Variants in SHROOM1 observed in about 807,000 individuals in gnomAD.
The protein encoded by SHROOM1 is protein Shroom1.
SHROOM1 carries 53 observed loss-of-function variants against 64.2 expected under a neutral mutation model. The ratio of observed to expected loss-of-function variants is 0.83; its 90% CI spans 0.66 to 1.04. The LOEUF is 1.04. Among genes scored for constraint, SHROOM1 ranks in the 50% least tolerant of loss-of-function variants. The pLI is 0.00. For missense variants in SHROOM1, 1,179 were observed against 1,163.2 expected (o/e 1.01, Z -0.20); for synonymous variants, 490 against 518.9 (o/e 0.94, Z 0.76).
Position 132,824,823 on chromosome 5 carries a change from T to C in SHROOM1, c.1035-2A>G. On this transcript the variant is annotated splice_acceptor_variant, in intron 5 of 9. Transcript: ENST00000378679. LOFTEE classifies it high-confidence loss of function. The stretch of plus-strand genomic sequence containing the variant: ...GCAGCCTCTTTCTGAGGCAAGAACC[T>C]GGAGGCAGGGACCCCATAGTGACCA... 6 of 1,613,998 alleles carry C rather than the reference T, an allele frequency of 3.7e-6. 1 individual carries two copies. The highest frequency in any genetic ancestry group is 4.5e-5 in the East Asian group (2 of 44,888).
chr5:132,830,474 T>TCCACC lies in SHROOM1; in HGVS notation c.-501+119_-501+120insGGTGG. ...CGTCCCGGCCGAACGATGCCCGGGCTGCCCCGCGACCACCGCCTCGCCGCC... is the reference window on the plus strand; with the variant it reads ...CGTCCCGGCCGAACGATGCCCGGGCTCCACCGCCCCGCGACCACCGCCTCGCCGCC... On this transcript the variant is annotated intron_variant, in intron 1 of 9. Transcript: ENST00000378679. This position sits in a 1 kb window ranked among gnomAD's most constrained non-coding sequence, Gnocchi z 5.9. 1.0e-6 allele frequency: 1 copy of TCCACC among 984,168 alleles called. No homozygotes were observed. Among genetic ancestry groups the TCCACC allele is most frequent in the Non-Finnish European group, 1.2e-6 (1 of 829,636 alleles). The allele number at this position is 984,168 out of a possible 1,614,324, so 61.0% of individuals were successfully genotyped here.
At chr5:132,829,776 C>G in intron 1 of SHROOM1, 1 of 985,464 alleles carries the variant, frequency 1.0e-6, no homozygotes, top group Non-Finnish European at 1.2e-6. Flanking sequence ...CTGGGTCTGG[C>G]TAGGCGGACG....
Position 132,825,130 on chromosome 5 carries a change from C to G in SHROOM1, c.978+33G>C. The G allele has an allele frequency of 6.2e-7, 1 of 1,614,088 alleles. No individual in the cohort carries two copies. ...CTCAAGTTTTGTTTCCCAGATGCTCCCCTCACCAGCCTGCATCTCCTGACT... is the reference window on the plus strand; with the variant it reads ...CTCAAGTTTTGTTTCCCAGATGCTCGCCTCACCAGCCTGCATCTCCTGACT... On this transcript the variant is annotated intron_variant, in intron 4 of 9. Coordinates refer to ENST00000378679, the MANE Select transcript of SHROOM1 (RefSeq NM_001172700.2). The surrounding 1 kb of genome is among the most constrained non-coding windows in gnomAD (Gnocchi z 5.1).
chr5:132,824,261 G>A lies in SHROOM1; in HGVS notation c.1400C>T (p.Thr467Ile). 6.2e-7 allele frequency: 1 copy of A among 1,613,890 alleles called. No homozygotes were observed. The highest frequency in any genetic ancestry group is 8.5e-7 in the Non-Finnish European group (1 of 1,179,928). Reference protein sequence around the residue: ...VNGSVGISRPTSHTPTGTAND... With the variant: ...VNGSVGISRPISHTPTGTAND... ...TGCAGTCCCAGTGGGGGTGTGGCTTGTGGGCCTGGAAATACCTACAGAACC... is the reference window on the plus strand; with the variant it reads ...TGCAGTCCCAGTGGGGGTGTGGCTTATGGGCCTGGAAATACCTACAGAACC... The change falls in exon 7 of 10, where the codon ACA becomes ATA. Residue 467 changes from threonine to isoleucine, a missense_variant. Thr to Ile is a moderately conservative substitution (Grantham distance 89). Transcript: ENST00000378679.
Position 132,826,185 on chromosome 5 carries a change from G to A in SHROOM1, c.-42-3C>T, listed in dbSNP as rs1430105966. The A allele has an allele frequency of 2.3e-6, 3 of 1,293,540 alleles. No individual in the cohort carries two copies. Among genetic ancestry groups the A allele is most frequent in the Non-Finnish European group, 2.9e-6 (3 of 1,021,334 alleles). 80.1% of individuals were successfully genotyped at this position (1,293,540 alleles called of 1,614,324 possible). A position where few individuals can be genotyped will look rare whatever the true frequency, so the allele number is the denominator to read the frequency against. ...GAGGCTGGGTGGCTGCGTGGGTCCT[G>A]GGAAAACACAGATGTGGTGCCGGGT... On this transcript the variant is annotated splice_polypyrimidine_tract_variant and splice_region_variant and intron_variant, in intron 3 of 9. Coordinates refer to ENST00000378679, the MANE Select transcript of SHROOM1 (RefSeq NM_001172700.2).
rs188634202 is a variant in SHROOM1 at position 132,826,970 on chromosome 5, G to A, written c.-353-383C>T. 3.9e-4 allele frequency among the ~76,000 whole-genome samples: 60 copies of A among 152,290 alleles called. 1 individual carries two copies. The highest frequency in any genetic ancestry group is 3.1e-3 in the Admixed American group (47 of 15,298). ...CCAACAGCCTGAATCCTCCAAGGAA[G>A]CCCACACTCCACTATGGGAAAGTCA... On this transcript the variant is annotated intron_variant, in intron 2 of 9. Coordinates refer to ENST00000378679, the MANE Select transcript of SHROOM1 (RefSeq NM_001172700.2).
Position 132,824,312 on chromosome 5 carries a change from G to A in SHROOM1, c.1349C>T (p.Ala450Val), listed in dbSNP as rs749229222. 17 of 1,613,324 alleles carry A rather than the reference G, an allele frequency of 1.1e-5. No individual in the cohort carries two copies. In the South Asian group the frequency reaches 1.2e-4, roughly 11 times the overall value. Residue 450 changes from alanine to valine, a missense_variant, in exon 7 of 10, where the codon GCA becomes GTA. By Grantham distance (64) the Ala-to-Val change is moderately conservative. Coordinates refer to ENST00000378679, the MANE Select transcript of SHROOM1 (RefSeq NM_001172700.2). ...PLHECPGTAG[A>V]DDCWQGVNGS... is the part of the protein sequence containing the mutation. Reference sequence around the variant, plus strand: ...ATTCACCCCCTGCCAGCAGTCATCTGCCCCTGCAGTTCCTGGACACTCATG... The same window carrying A: ...ATTCACCCCCTGCCAGCAGTCATCTACCCCTGCAGTTCCTGGACACTCATG...
chr5:132,825,868 G>A lies in SHROOM1; in HGVS notation c.273C>T (p.Ala91=). 1 of 1,299,710 alleles carries A rather than the reference G, an allele frequency of 7.7e-7. No homozygotes were observed. The highest frequency in any genetic ancestry group is 9.8e-7 in the Non-Finnish European group (1 of 1,019,208). 80.5% of individuals were successfully genotyped at this position (1,299,710 alleles called of 1,614,324 possible). The change falls in exon 4 of 10, where the codon GCC becomes GCT. Residue 91 remains alanine, a synonymous_variant. Transcript: ENST00000378679. The surrounding 1 kb of genome is among the most constrained non-coding windows in gnomAD (Gnocchi z 5.1). The part of the protein sequence containing the change: ...TSPRPRPAVA[A]RSGPQPTEVP... ...CCTCTGTTGGCTGCGGCCCACTGCG[G>A]GCTGCAACCGCGGGCCGGGGCCGCG... is the stretch of plus-strand genomic sequence containing the variant.
rs909460374 is a variant in SHROOM1, at chr5:132,830,477, C to A, written c.-501+117G>T. ...CCCGGCCGAACGATGCCCGGGCTGC[C>A]CCGCGACCACCGCCTCGCCGCCCGC... On this transcript the variant is annotated intron_variant, in intron 1 of 9. Transcript: ENST00000378679. This position sits in a 1 kb window ranked among gnomAD's most constrained non-coding sequence, Gnocchi z 5.9. The A allele has an allele frequency of 1.0e-6, 1 of 985,008 alleles. No homozygotes were observed. The highest frequency in any genetic ancestry group is 1.2e-6 in the Non-Finnish European group (1 of 829,840). 61.0% of individuals were successfully genotyped at this position (985,008 alleles called of 1,614,324 possible).
Position 132,825,602 on chromosome 5 carries a change from G to C in SHROOM1, c.539C>G (p.Pro180Arg). Residue 180 changes from proline (P) to arginine (R), a missense_variant, in exon 4 of 10, where the codon CCG becomes CGG. By Grantham distance (103) the Pro-to-Arg change is moderately radical. Transcript: ENST00000378679. The surrounding 1 kb of genome is among the most constrained non-coding windows in gnomAD (Gnocchi z 5.1). ...CGAGGCGGAGCGCGGGTGAGTCGCC[G>C]GGGGCCGCGCTGGGACAGTGGGCCG... ...RLRPTVPARP[P>R]ATHPRSASLS... 1.5e-6 allele frequency: 2 copies of C among 1,377,278 alleles called. No individual in the cohort carries two copies. Among genetic ancestry groups the C allele is most frequent in the Middle Eastern group, 2.4e-4 (1 of 4,122 alleles). The allele number at this position is 1,377,278 out of a possible 1,614,324, so 85.3% of individuals were successfully genotyped here.
In SHROOM1 at chr5:132,823,361, GAACCGGCTGAACC is replaced by G. The variant is rs1387281460; in HGVS notation, c.2102_2114del (p.Arg701ProfsTer5). On this transcript the variant is annotated frameshift_variant, in exon 9 of 10. Transcript: ENST00000378679. LOFTEE classifies it high-confidence loss of function. The surrounding 1 kb of genome is among the most constrained non-coding windows in gnomAD (Gnocchi z 4.6). ...CAAGCACGCGCTCTAGGTCGGCCAT[GAACCGGCTGAACC>G]GCTCCAGCTCCTGAGGGGCACAGGC... 1 of 1,607,876 alleles carries G rather than the reference GAACCGGCTGAACC, an allele frequency of 6.2e-7. No individual in the cohort carries two copies. Among genetic ancestry groups the G allele is most frequent in the Non-Finnish European group, 8.5e-7 (1 of 1,179,680 alleles).
Position 132,823,707 on chromosome 5 carries a change from A to C in SHROOM1, c.1869T>G (p.Leu623=). The change falls in exon 8 of 10, where the codon CTT becomes CTG. Residue 623 remains leucine (L), a synonymous_variant. Transcript: ENST00000378679. This position sits in a 1 kb window ranked among gnomAD's most constrained non-coding sequence, Gnocchi z 4.6. ...LLPAPREETR[L]ENPATHPVLD... ...GCACAGGGTGGGTGGCAGGGTTTTCAAGCCTTGTCTCCTCCCGAGGAGCCG... is the reference window on the plus strand; with the variant it reads ...GCACAGGGTGGGTGGCAGGGTTTTCCAGCCTTGTCTCCTCCCGAGGAGCCG... 6.2e-7 allele frequency: 1 copy of C among 1,611,934 alleles called. No individual in the cohort carries two copies. Among genetic ancestry groups the C allele is most frequent in the Non-Finnish European group, 8.5e-7 (1 of 1,179,112 alleles).
chr5:132,825,591 G>A lies in SHROOM1; in HGVS notation c.550C>T (p.Pro184Ser), dbSNP rs1176472607. 2.9e-5 allele frequency: 40 copies of A among 1,387,418 alleles called. No individual in the cohort carries two copies. The highest frequency in any genetic ancestry group is 3.6e-5 in the Non-Finnish European group (39 of 1,078,930). 85.9% of individuals were successfully genotyped at this position (1,387,418 alleles called of 1,614,324 possible). ...TVPARPPATH[P>S]RSASLSHPGG... ...GGGTGGCTGAGCGAGGCGGAGCGCG[G>A]GTGAGTCGCCGGGGGCCGCGCTGGG... Residue 184 changes from proline (P) to serine (S), a missense_variant, in exon 4 of 10, where the codon CCG becomes TCG. Physicochemically the swap from Pro to Ser is moderately conservative, Grantham distance 74 (BLOSUM62 -1). Coordinates refer to ENST00000378679, the MANE Select transcript of SHROOM1 (RefSeq NM_001172700.2). The surrounding 1 kb of genome is among the most constrained non-coding windows in gnomAD (Gnocchi z 5.1).
chr5:132,824,698 A>G lies in SHROOM1; in HGVS notation c.1158T>C (p.Pro386=). The G allele has an allele frequency of 6.2e-7, 1 of 1,614,068 alleles. No homozygotes were observed. The highest frequency in any genetic ancestry group is 8.5e-7 in the Non-Finnish European group (1 of 1,180,016). The part of the protein sequence containing the change: ...CIVPAWLPSL[P]DEVFLEEAPL... ...GGGCCTCTTCTAGGAACACTTCATC[A>G]GGAAGGGAGGGGAGCCAGGCAGGCA... Residue 386 remains proline, a synonymous_variant, in exon 6 of 10, where the codon CCT becomes CCC. Transcript: ENST00000378679.
rs1382467693 is a variant in SHROOM1 at position 132,825,776 on chromosome 5, G to A, written c.365C>T (p.Ala122Val). ...TPLLYALAAEAEAAAQAAEPP... is the reference protein window; with the variant it reads ...TPLLYALAAEVEAAAQAAEPP... ...CTCGGCAGCCTGCGCCGCGGCCTCC[G>A]CCTCGGCCGCCAGCGCGTACAGCAG... The change falls in exon 4 of 10, where the codon GCG (alanine) becomes GTG (valine). Residue 122 changes from alanine to valine, a missense_variant. Transcript: ENST00000378679. This position sits in a 1 kb window ranked among gnomAD's most constrained non-coding sequence, Gnocchi z 5.1. 4.7e-5 allele frequency: 58 copies of A among 1,242,284 alleles called. No homozygotes were observed. The highest frequency in any genetic ancestry group is 5.7e-5 in the Non-Finnish European group (57 of 996,314). The allele number at this position is 1,242,284 out of a possible 1,614,324, so 77.0% of individuals were successfully genotyped here. A position where few individuals can be genotyped will look rare whatever the true frequency, so the allele number is the denominator to read the frequency against.
Position 132,826,534 on chromosome 5 carries a change from T to G in SHROOM1, c.-300A>C. The stretch of plus-strand genomic sequence containing the variant: ...CATGTTCCTTTCCTCCCCAACCCTG[T>G]TCCACCCAGGCTGCTTCCTGGCCGT... On this transcript the variant is annotated 5_prime_UTR_variant, in exon 3 of 10. Transcript: ENST00000378679. 5.3e-6 allele frequency: 1 copy of G among 187,106 alleles called. No homozygotes were observed. The highest frequency in any genetic ancestry group is 1.3e-4 in the East Asian group (1 of 7,732). The allele number at this position is 187,106 out of a possible 1,614,324, so 11.6% of individuals were successfully genotyped here.
chr5:132,825,531 G>C lies in SHROOM1; in HGVS notation c.610C>G (p.Pro204Ala). The change falls in exon 4 of 10, where the codon CCC (proline) becomes GCC (alanine). Residue 204 changes from proline (P) to alanine (A), a missense_variant. Coordinates refer to ENST00000378679, the MANE Select transcript of SHROOM1 (RefSeq NM_001172700.2). This position sits in a 1 kb window ranked among gnomAD's most constrained non-coding sequence, Gnocchi z 5.1. ...CCCCGGCCGGCAGTTCCTGGCGCGG[G>C]AGCCCGGGAGCGCGCCGGCTCCCCC... The part of the protein sequence containing the change: ...GEGEPARSRA[P>A]APGTAGRGPL... 1 of 1,448,236 alleles carries C rather than the reference G, an allele frequency of 6.9e-7. No homozygotes were observed. 89.7% of individuals were successfully genotyped at this position (1,448,236 alleles called of 1,614,324 possible). A position where few individuals can be genotyped will look rare whatever the true frequency, so the allele number is the denominator to read the frequency against.
Position 132,826,036 on chromosome 5 carries a change from A to G in SHROOM1, c.105T>C (p.Ser35=). Reference sequence around the variant, plus strand: ...CGGGGCCGCCGGAGGCTGCGGAGAAAGAGCTGTAGGCCGAGTCCGCGCGCA... The same window carrying G: ...CGGGGCCGCCGGAGGCTGCGGAGAAGGAGCTGTAGGCCGAGTCCGCGCGCA... ...LSMRADSAYS[S]FSAASGGPEP... Residue 35 remains serine, a synonymous_variant, in exon 4 of 10, where the codon TCT becomes TCC. Transcript: ENST00000378679. 2 of 1,530,144 alleles carry G rather than the reference A, an allele frequency of 1.3e-6. No homozygotes were observed. Among genetic ancestry groups the G allele is most frequent in the Non-Finnish European group, 1.8e-6 (2 of 1,140,714 alleles). The allele number at this position is 1,530,144 out of a possible 1,614,324, so 94.8% of individuals were successfully genotyped here.
chr5:132,822,909 G>A lies in SHROOM1; in HGVS notation c.2446C>T (p.Gln816Ter). Residue 816 changes from glutamine (Q) to a stop codon, truncating the protein, a stop_gained, in exon 10 of 10, where the codon CAA (glutamine) becomes TAA (stop). Transcript: ENST00000378679. LOFTEE classifies it high-confidence loss of function. ...AGGTCGTCCCTGATGGCGTCCAGTT[G>A]GTCCTGAAGGAGGCGGATGCGCTCG... is the stretch of plus-strand genomic sequence containing the variant. ...LDERIRLLQD[Q>*]LDAIRDDLGH... is the part of the protein sequence containing the mutation. 2 of 1,613,518 alleles carry A rather than the reference G, an allele frequency of 1.2e-6. No homozygotes were observed. The highest frequency in any genetic ancestry group is 2.2e-5 in the East Asian group (1 of 44,876).
Sources: allele counts gnomAD v4.1 joint callset (sites outside exome capture counted in the v4.1 genomes callset), GRCh38; gene constraint gnomAD v4.1.1; non-coding constraint Gnocchi (gnomAD v3.1); transcripts MANE v1.5; gene names NCBI Gene and HGNC (gene_info 2026-07-23, HGNC 2026-07-21).